Variants in ZNF697 observed in about 807,000 individuals in gnomAD.
The protein encoded by ZNF697 is zinc finger protein 697.
A neutral mutation model predicts 32.4 loss-of-function variants in ZNF697; 23 were observed. That is an observed-to-expected ratio of 0.71 (90% CI 0.51 to 1.01). The LOEUF is 1.01. Among genes scored for constraint, ZNF697 ranks in the 50% least tolerant of loss-of-function variants. The pLI is 0.00. For synonymous variants in ZNF697, 418 were observed against 337.2 expected, an observed-to-expected ratio of 1.24 and a Z score of -2.62; for missense variants, 930 against 794.0, an observed-to-expected ratio of 1.17 and a Z score of -2.06.
At chr1:119,644,520 G>C (rs1168325236) in intron 1 of ZNF697, among the ~76,000 whole-genome samples, 1 of 152,172 alleles carries the variant, frequency 6.6e-6, no homozygotes. Context: ...TTCTGAACAG[G>C]CTTGACAGTC....
chr1:119,636,173 A>G (rs1648914191), intron 1 of ZNF697, among the ~76,000 whole-genome samples: 1 of 152,184 alleles, frequency 6.6e-6, no homozygotes, highest in South Asian at 2.1e-4. Context: ...AGAGAGCAAC[A>G]GTACTACACA....
At chr1:119,625,598 A>G (rs587697198) in intron 2 of ZNF697, among the ~76,000 whole-genome samples, 12 of 152,342 alleles carry the variant, frequency 7.9e-5, no homozygotes, top group African/African-American at 2.6e-4. Context: ...ATTCTACTGT[A>G]GTGTTGTTCC....
Position 119,646,322 on chromosome 1 carries a change from AACACACAC to A in ZNF697, c.-38+1361_-38+1368del, listed in dbSNP as rs61339576. 5.4e-3 allele frequency among the ~76,000 whole-genome samples: 738 copies of A among 136,898 alleles called. 7 individuals are homozygous for A. Among genetic ancestry groups the A allele is most frequent in the African/African-American group, 0.018 (618 of 35,268 alleles). 89.8% of individuals were successfully genotyped at this position (136,898 alleles called of 152,430 possible). ...TCCCTTAACAACAACCCCCACTTCC[AACACACAC>A]ACACACACACACACACACACACACA... On this transcript the variant is annotated intron_variant, in intron 1 of 2. Coordinates refer to ENST00000421812, the MANE Select transcript of ZNF697 (RefSeq NM_001080470.2).
chr1:119,646,563 T>C (rs1194122051), intron 1 of ZNF697, among the ~76,000 whole-genome samples: 4 of 152,146 alleles, frequency 2.6e-5, no homozygotes, highest in Non-Finnish European at 4.4e-5. Flanking sequence ...TATATCAGGC[T>C]CAGGGCTCTC....
At position 119,623,868 on chromosome 1, in the gene ZNF697, C is replaced by A; in HGVS notation, c.475G>T (p.Ala159Ser). 1.3e-6 allele frequency: 2 copies of A among 1,540,524 alleles called. No individual in the cohort carries two copies. Among genetic ancestry groups the A allele is most frequent in the South Asian group, 1.2e-5 (1 of 81,712 alleles). ...TGGAGCCGGTGGAAGCGGCGGTGGG[C>A]GGGCTTGTCACCTCGGTGCCGACTC... ...LGSRHRGDKP[A>S]HRRFHRLHHP... Residue 159 changes from alanine (A) to serine (S), a missense_variant, in exon 3 of 3, where the codon GCC (alanine) becomes TCC (serine). Ala to Ser is a moderately conservative substitution (Grantham distance 99). Transcript: ENST00000421812.
intron 1 of ZNF697, among the ~76,000 whole-genome samples, chr1:119,637,075 T>C (rs1648942916): frequency 6.6e-6 from 1 of 152,202 alleles, no homozygotes; most frequent in South Asian, 2.1e-4. Flanking sequence ...TGTTATTTAA[T>C]CCTTCTCCTC....
rs764606400 is a variant in ZNF697, at chr1:119,622,714, G to A, written c.1629C>T (p.His543=). 3 of 1,533,326 alleles carry A rather than the reference G, an allele frequency of 2.0e-6. No individual in the cohort carries two copies. Among genetic ancestry groups the A allele is most frequent in the South Asian group, 2.5e-5 (2 of 80,892 alleles). The allele number at this position is 1,533,326 out of a possible 1,614,324, so 95.0% of individuals were successfully genotyped here. Residue 543 remains histidine (H), a synonymous_variant, in exon 3 of 3, where the codon CAC becomes CAT. Coordinates refer to ENST00000421812, the MANE Select transcript of ZNF697 (RefSeq NM_001080470.2). ...KTHLAQHQKL[H]LC ...CCCGCGGACCCAGCCCCTAACACAG[G>A]TGCAGCTTCTGGTGCTGCGCGAGGT...
At chr1:119,624,912 C>T (rs921099734) in intron 2 of ZNF697, among the ~76,000 whole-genome samples, 1 of 140,618 alleles carries the variant, frequency 7.1e-6, no homozygotes, top group African/African-American at 2.6e-5. Context: ...TTTTAAAGTA[C>T]ATTTGGTCAG....
In ZNF697 at chr1:119,620,070, A is replaced by C. The variant is rs975818034; in HGVS notation, c.*2635T>G. On this transcript the variant is annotated 3_prime_UTR_variant, in exon 3 of 3. Coordinates refer to ENST00000421812, the MANE Select transcript of ZNF697 (RefSeq NM_001080470.2). ...CACTTAATGCAGGTAAGTTCCCTGA[A>C]GAATTGTAAGAAAAAATGGAATCAC... 1 of 152,652 alleles carries C rather than the reference A, an allele frequency of 6.6e-6. No homozygotes were observed. The highest frequency in any genetic ancestry group is 2.4e-5 in the African/African-American group (1 of 41,456). The allele number at this position is 152,652 out of a possible 1,614,324, so 9.5% of individuals were successfully genotyped here. A position where few individuals can be genotyped will look rare whatever the true frequency, so the allele number is the denominator to read the frequency against.
chr1:119,639,419 G>A (rs1649005811), intron 1 of ZNF697, among the ~76,000 whole-genome samples: 1 of 152,028 alleles, frequency 6.6e-6, no homozygotes, highest in African/African-American at 2.4e-5. Flanking sequence ...GTAGCCTAAG[G>A]CTCTCTTACC....
Position 119,648,017 on chromosome 1 carries a change from C to T in ZNF697, c.-364G>A, listed in dbSNP as rs1292449013. On this transcript the variant is annotated 5_prime_UTR_variant, in exon 1 of 3. Coordinates refer to ENST00000421812, the MANE Select transcript of ZNF697 (RefSeq NM_001080470.2). ...TCCCCGCAGCGGTCGGGTCTGGTCCCGATCAGCCCCATCCCCGGGAGGCGG... is the reference window on the plus strand; with the variant it reads ...TCCCCGCAGCGGTCGGGTCTGGTCCTGATCAGCCCCATCCCCGGGAGGCGG... Among the ~76,000 whole-genome samples the T allele has an allele frequency of 6.6e-6, 1 of 152,196 alleles. No homozygotes were observed. The highest frequency in any genetic ancestry group is 2.4e-5 in the African/African-American group (1 of 41,452).
Position 119,623,484 on chromosome 1 carries a change from G to C in ZNF697, c.859C>G (p.Arg287Gly). The C allele has an allele frequency of 1.9e-6, 3 of 1,553,258 alleles. No homozygotes were observed. Among genetic ancestry groups the C allele is most frequent in the South Asian group, 1.2e-5 (1 of 85,706 alleles). Residue 287 changes from arginine to glycine, a missense_variant, in exon 3 of 3, where the codon CGG becomes GGG. By Grantham distance (125) the Arg-to-Gly change is moderately radical (BLOSUM62 -2). Coordinates refer to ENST00000421812, the MANE Select transcript of ZNF697 (RefSeq NM_001080470.2). The stretch of plus-strand genomic sequence containing the variant: ...CCGCAGTCGGCGCACAGGTTGGGCC[G>C]CTCGCCCGTGTGCAGGCGCAGGTGG... ...TNHLRLHTGE[R>G]PNLCADCGKS...
Position 119,623,294 on chromosome 1 carries a change from AGCGCCGCCGCCCCC to A in ZNF697, c.1035_1048del (p.Gly346AlafsTer84). On this transcript the variant is annotated frameshift_variant, in exon 3 of 3. Transcript: ENST00000421812. LOFTEE classifies it high-confidence loss of function. ...GCACTCCCCGCAGGCGAAGGGCCGC[AGCGCCGCCGCCCCC>A]GCGCCGCTGGCCGCCGCGTGCGCGC... is the stretch of plus-strand genomic sequence containing the variant. The A allele has an allele frequency of 7.2e-7, 1 of 1,384,526 alleles. No homozygotes were observed. Among genetic ancestry groups the A allele is most frequent in the Non-Finnish European group, 9.3e-7 (1 of 1,075,428 alleles). The allele number at this position is 1,384,526 out of a possible 1,614,324, so 85.8% of individuals were successfully genotyped here.
rs189263670 is a variant in ZNF697 at position 119,631,372 on chromosome 1, A to C, written c.-37-5235T>G. The stretch of plus-strand genomic sequence containing the variant: ...ATCAGGGTGACCCGTTTGACGTGTA[A>C]AGAACACTGAGGCCAGGGAAGGTGA... On this transcript the variant is annotated intron_variant, in intron 1 of 2. Coordinates refer to ENST00000421812, the MANE Select transcript of ZNF697 (RefSeq NM_001080470.2). Among the ~76,000 whole-genome samples the C allele has an allele frequency of 1.1e-3, 169 of 152,330 alleles. 1 individual carries two copies. Among genetic ancestry groups the C allele is most frequent in the Non-Finnish European group, 2.0e-3 (137 of 68,016 alleles).
intron 1 of ZNF697, among the ~76,000 whole-genome samples, chr1:119,639,398 T>A (rs1649005144): frequency 1.3e-5 from 2 of 152,166 alleles, no homozygotes; most frequent in Admixed American, 1.3e-4. Context: ...AGACTCCAAG[T>A]CATTAACAAT....
intron 1 of ZNF697, among the ~76,000 whole-genome samples, chr1:119,646,795 A>G (rs913722694): frequency 7.9e-5 from 12 of 152,344 alleles, no homozygotes; most frequent in African/African-American, 2.4e-4. Context: ...CCCCTTAGGC[A>G]TGCTGAGTTC....
intron 1 of ZNF697, among the ~76,000 whole-genome samples, chr1:119,645,495 C>T (rs1423761048): frequency 6.6e-6 from 1 of 152,052 alleles, no homozygotes; most frequent in Non-Finnish European, 1.5e-5. Context: ...AGGATATGTA[C>T]AAAAATAATT....
At chr1:119,629,871 G>A (rs996384494) in intron 1 of ZNF697, among the ~76,000 whole-genome samples, 6 of 152,214 alleles carry the variant, frequency 3.9e-5, no homozygotes, top group Admixed American at 2.6e-4. Context: ...ACCAGGGAGT[G>A]ACTAGTTGCT....
rs1221828763 is a variant in ZNF697 at position 119,620,136 on chromosome 1, T to C, written c.*2569A>G. 2 of 152,654 alleles carry C rather than the reference T, an allele frequency of 1.3e-5. No individual in the cohort carries two copies. The highest frequency in any genetic ancestry group is 2.9e-5 in the Non-Finnish European group (2 of 68,034). The allele number at this position is 152,654 out of a possible 1,614,324, so 9.5% of individuals were successfully genotyped here. A position where few individuals can be genotyped will look rare whatever the true frequency, so the allele number is the denominator to read the frequency against. ...ATAGAGTCGGGTGTTGGTAGTTGGA[T>C]TGTTTTCTTCTGCTAAGAATGTGCT... On this transcript the variant is annotated 3_prime_UTR_variant, in exon 3 of 3. Transcript: ENST00000421812.
Sources: allele counts gnomAD v4.1 joint callset (sites outside exome capture counted in the v4.1 genomes callset), GRCh38; gene constraint gnomAD v4.1.1; transcripts MANE v1.5; gene names NCBI Gene and HGNC (gene_info 2026-07-23, HGNC 2026-07-21).